Variants in TTLL11 observed in about 807,000 individuals in gnomAD.
The protein encoded by TTLL11 is tubulin tyrosine ligase like 11.
In TTLL11, 42 loss-of-function variants were observed where a neutral mutation model predicts 51.7. The observed-to-expected ratio is 0.81, with a 90% CI of 0.64 to 1.05. The LOEUF is 1.05. Among genes scored for constraint, TTLL11 ranks in the 50% least tolerant of loss-of-function variants. The pLI is 0.00. For missense variants in TTLL11, 799 were observed against 940.4 expected, an observed-to-expected ratio of 0.85 and a Z score of 1.97; for synonymous variants, 381 against 383.5, an observed-to-expected ratio of 0.99 and a Z score of 0.08.
intron 8 of TTLL11, among the ~76,000 whole-genome samples, chr9:121,833,904 G>A (rs575585730): frequency 2.0e-5 from 3 of 152,162 alleles, no homozygotes; most frequent in African/African-American, 7.2e-5. Context: ...CTGGGATTGG[G>A]GTGCTTAAAC....
At chr9:121,862,005 C>T (rs952546481) in intron 7 of TTLL11, among the ~76,000 whole-genome samples, 4 of 152,116 alleles carry the variant, frequency 2.6e-5, no homozygotes, top group Non-Finnish European at 5.9e-5. Context: ...TTAGGGGAGT[C>T]ACCTGGAATT....
rs1001177231 is a variant in TTLL11, at chr9:121,817,155, A to G, written c.*5432T>C. 6.6e-6 allele frequency: 1 copy of G among 152,226 alleles called. No homozygotes were observed. Among genetic ancestry groups the G allele is most frequent in the African/African-American group, 2.4e-5 (1 of 41,450 alleles). 9.4% of individuals were successfully genotyped at this position (152,226 alleles called of 1,614,324 possible). ...GCCAAGGAGTAGAGGACATTAGTCA[A>G]GAAATGGGGAAAAAATTAAGCTATT... On this transcript the variant is annotated 3_prime_UTR_variant, in exon 9 of 9. Transcript: ENST00000321582.
chr9:121,878,149 C>A (rs759844429), intron 6 of TTLL11, among the ~76,000 whole-genome samples: 8 of 152,170 alleles, frequency 5.3e-5, no homozygotes, highest in Admixed American at 2.0e-4. Flanking sequence ...CCCTCCCTGG[C>A]AATGGAGAGA....
intron 1 of TTLL11, among the ~76,000 whole-genome samples, chr9:122,068,686 C>A (rs1426821766): frequency 6.6e-6 from 1 of 152,186 alleles, no homozygotes; most frequent in Non-Finnish European, 1.5e-5. Context: ...CCAAATCCTG[C>A]GCTTTTTCTA....
At chr9:121,831,711 A>T (rs888233054) in intron 8 of TTLL11, among the ~76,000 whole-genome samples, 2 of 151,968 alleles carry the variant, frequency 1.3e-5, no homozygotes, top group Non-Finnish European at 2.9e-5. Context: ...AAAAAAAAAA[A>T]AAAAGAATGG....
At chr9:122,020,783 G>A (rs984142846) in intron 3 of TTLL11, among the ~76,000 whole-genome samples, 5 of 152,212 alleles carry the variant, frequency 3.3e-5, no homozygotes, top group Non-Finnish European at 7.3e-5. Flanking sequence ...CTACCAGGTA[G>A]GCAAACAATG....
In TTLL11 at chr9:121,870,617, T is replaced by G; in HGVS notation, c.1613A>C (p.Lys538Thr). The change falls in exon 7 of 9, where the codon AAG becomes ACG. Residue 538 changes from lysine (K) to threonine (T), a missense_variant. Physicochemically the swap from Lys to Thr is moderately conservative, Grantham distance 78. Transcript: ENST00000321582. ...CAGGTAGTTGAACTGTTTTGCGTAC[T>G]TGGGGAACACCTGCTTGAGGCAAAT... The part of the protein sequence containing the change: ...PSICLKQVFP[K>T]YAKQFNYLRL... 2 of 1,551,764 alleles carry G rather than the reference T, an allele frequency of 1.3e-6. No individual in the cohort carries two copies. The highest frequency in any genetic ancestry group is 2.4e-5 in the South Asian group (2 of 84,054).
At chr9:121,824,947 C>A (rs1329920925) in intron 8 of TTLL11, among the ~76,000 whole-genome samples, 1 of 152,210 alleles carries the variant, frequency 6.6e-6, no homozygotes, top group Non-Finnish European at 1.5e-5. Context: ...TTGTGTTTTG[C>A]CTCCCTTATA....
intron 1 of TTLL11, among the ~76,000 whole-genome samples, chr9:122,078,674 A>G (rs1362263051): frequency 1.3e-5 from 2 of 152,178 alleles, no homozygotes; most frequent in Non-Finnish European, 2.9e-5. Flanking sequence ...GCAATAAATA[A>G]CTCCATGAAA....
At chr9:121,928,157 A>G (rs73662527) in intron 6 of TTLL11, among the ~76,000 whole-genome samples, 11,732 of 152,240 alleles carry the variant, frequency 0.077, 652 homozygotes, top group African/African-American at 0.16. Flanking sequence ...GTGATTCGAT[A>G]AAATCAAGAA....
intron 1 of TTLL11, among the ~76,000 whole-genome samples, chr9:122,060,691 C>T (rs1265430747): frequency 6.6e-6 from 1 of 152,200 alleles, no homozygotes; most frequent in African/African-American, 2.4e-5. Context: ...ACCACTTCCT[C>T]TTTCTGGGTA....
At chr9:122,032,368 CA>C (rs1395984488) in intron 2 of TTLL11, among the ~76,000 whole-genome samples, 1 of 152,104 alleles carries the variant, frequency 6.6e-6, no homozygotes, top group Non-Finnish European at 1.5e-5. Flanking sequence ...ACACATCTTT[CA>C]GCATAAAATC....
intron 3 of TTLL11, among the ~76,000 whole-genome samples, chr9:122,018,134 A>G (rs1022619149): frequency 7.4e-6 from 1 of 136,028 alleles, no homozygotes; most frequent in African/African-American, 2.9e-5. Context: ...TTTTTTTGAG[A>G]CAGAGTCTTG....
chr9:121,822,790 G>C lies in TTLL11; in HGVS notation c.1930C>G (p.Leu644Val). 1 of 1,551,740 alleles carries C rather than the reference G, an allele frequency of 6.4e-7. No individual in the cohort carries two copies. The highest frequency in any genetic ancestry group is 8.7e-7 in the Non-Finnish European group (1 of 1,147,000). Reference protein sequence around the residue: ...MLPLHEQVASLIDLCEYHLSL... With the variant: ...MLPLHEQVASVIDLCEYHLSL... ...AGGTGGTACTCGCAAAGGTCAATCA[G>C]TGAGGCCACCTGCTCATGAAGTGGC... is the stretch of plus-strand genomic sequence containing the variant. Residue 644 changes from leucine to valine, a missense_variant, in exon 9 of 9, where the codon CTG becomes GTG. Transcript: ENST00000321582. This position sits in a 1 kb window ranked among gnomAD's most constrained non-coding sequence, Gnocchi z 5.8.
chr9:121,937,012 G>A (rs759682072), intron 6 of TTLL11, among the ~76,000 whole-genome samples: 8 of 152,160 alleles, frequency 5.3e-5, no homozygotes, highest in Non-Finnish European at 7.3e-5. Context: ...AAGGATTTTG[G>A]TTTAAACCAT....
intron 6 of TTLL11, among the ~76,000 whole-genome samples, chr9:121,954,658 G>GCA (rs796092810): frequency 0.012 from 1,703 of 140,402 alleles, 23 homozygotes; most frequent in African/African-American, 0.037. Flanking sequence ...TTCAGTGCAA[G>GCA]CACACACACA....
chr9:121,963,222 G>A (rs1842294608), intron 6 of TTLL11, among the ~76,000 whole-genome samples: 1 of 152,192 alleles, frequency 6.6e-6, no homozygotes, highest in Admixed American at 6.5e-5. Context: ...CAGCACCCAA[G>A]AAACACTCCC....
rs2119100077 is a variant in TTLL11 at position 121,822,474 on chromosome 9, C to T, written c.*113G>A. 21 of 1,086,782 alleles carry T rather than the reference C, an allele frequency of 1.9e-5. No homozygotes were observed. Among genetic ancestry groups the T allele is most frequent in the Non-Finnish European group, 2.7e-5 (21 of 788,600 alleles). The allele number at this position is 1,086,782 out of a possible 1,614,324, so 67.3% of individuals were successfully genotyped here. On this transcript the variant is annotated 3_prime_UTR_variant, in exon 9 of 9. Coordinates refer to ENST00000321582, the MANE Select transcript of TTLL11 (RefSeq NM_001139442.2). This position sits in a 1 kb window ranked among gnomAD's most constrained non-coding sequence, Gnocchi z 5.8. ...ACACAGAGACAGTTCGTGGGGACCT[C>T]AGCTGGGCCCCTCGGCAGCCTGCCT... is the stretch of plus-strand genomic sequence containing the variant.
At chr9:121,911,704 C>T (rs977256272) in intron 6 of TTLL11, among the ~76,000 whole-genome samples, 4 of 152,136 alleles carry the variant, frequency 2.6e-5, no homozygotes, top group African/African-American at 9.7e-5. Flanking sequence ...CCAAACACCA[C>T]GTGTTCTCAC....
Sources: gnomAD v4.1 joint callset for allele counts (sites outside exome capture counted in the v4.1 genomes callset) on GRCh38, gnomAD v4.1.1 for gene constraint, Gnocchi (gnomAD v3.1) non-coding constraint, MANE v1.5 for transcripts, NCBI Gene and HGNC (gene_info 2026-07-23, HGNC 2026-07-21) for gene names.